MTUS2: variants seen among roughly 807,000 people sequenced by gnomAD.
MTUS2 encodes the protein microtubule associated scaffold protein 2.
Under a neutral mutation model 114.1 loss-of-function variants are expected in MTUS2, and 40 were observed. That is an observed-to-expected ratio of 0.35 (90% CI 0.27 to 0.46). The LOEUF (loss-of-function observed/expected upper bound fraction) is 0.46. Ranked by LOEUF, MTUS2 falls within the 20% of genes least tolerant of loss-of-function variation. MTUS2 has a pLI of 1.00. For synonymous variants in MTUS2, 688 were observed against 672.0 expected (o/e 1.02, Z -0.37); for missense variants, 1,679 against 1,705.4 (o/e 0.98, Z 0.27).
intron 5 of MTUS2, among the ~76,000 whole-genome samples, chr13:29,161,104 G>T (rs1295812919): frequency 6.6e-6 from 1 of 152,190 alleles, no homozygotes. Flanking sequence ...TGATTGTGGT[G>T]GCAGATGCCT....
At chr13:28,851,525 A>T (rs534554330) in intron 2 of MTUS2, among the ~76,000 whole-genome samples, 13 of 152,376 alleles carry the variant, frequency 8.5e-5, no homozygotes, top group Admixed American at 2.6e-4. Context: ...AGATACGAAG[A>T]TATATATGAT....
chr13:29,148,011 T>A (rs1382617270), intron 5 of MTUS2, among the ~76,000 whole-genome samples: 3 of 152,238 alleles, frequency 2.0e-5, no homozygotes, highest in African/African-American at 7.2e-5. Context: ...CTTTGAGAAA[T>A]TTTGAAACTG....
At chr13:29,495,488 C>T (rs553433039) in intron 12 of MTUS2, among the ~76,000 whole-genome samples, 23 of 152,102 alleles carry the variant, frequency 1.5e-4, no homozygotes, top group African/African-American at 4.8e-4. Flanking sequence ...CCCAGCACTT[C>T]GCATGTTAGT....
At chr13:29,425,635 G>T (rs1876459552) in intron 8 of MTUS2, among the ~76,000 whole-genome samples, 1 of 152,118 alleles carries the variant, frequency 6.6e-6, no homozygotes, top group African/African-American at 2.4e-5. Context: ...AAGACCTTTG[G>T]TATTTACCTC....
At chr13:29,489,113 C>T (rs1302009212) in intron 11 of MTUS2, among the ~76,000 whole-genome samples, 11 of 152,030 alleles carry the variant, frequency 7.2e-5, no homozygotes, top group African/African-American at 2.2e-4. Context: ...GGCAAAACCC[C>T]GTCTCTACCA....
intron 4 of MTUS2, among the ~76,000 whole-genome samples, chr13:29,071,307 T>A (rs1888915585): frequency 6.7e-6 from 1 of 150,270 alleles, no homozygotes. Flanking sequence ...GCATCTTGCT[T>A]GTTTTTATAG....
chr13:29,070,620 G>T (rs913962198), intron 4 of MTUS2, among the ~76,000 whole-genome samples: 1 of 151,936 alleles, frequency 6.6e-6, no homozygotes, highest in South Asian at 2.1e-4. Flanking sequence ...GTATATGCTC[G>T]TGAGAATGTG....
chr13:29,336,523 C>T (rs940346274), intron 7 of MTUS2, among the ~76,000 whole-genome samples: 6 of 152,226 alleles, frequency 3.9e-5, no homozygotes, highest in East Asian at 1.9e-4. Context: ...AGCTTTGTCC[C>T]GAAAGGGCAC....
At chr13:29,020,799 C>T (rs1245269675) in intron 2 of MTUS2, among the ~76,000 whole-genome samples, 4 of 150,928 alleles carry the variant, frequency 2.7e-5, no homozygotes, top group African/African-American at 7.3e-5. Context: ...GCTGTGTGAC[C>T]TTGGGAATGT....
At position 29,150,645 on chromosome 13, in the gene MTUS2, T is replaced by C. The variant is rs114675894; in HGVS notation, c.2644+49675T>C. On this transcript the variant is annotated intron_variant, in intron 5 of 15. Transcript: ENST00000612955. Reference sequence around the variant, plus strand: ...GTGTCCAGAAGGGTATTTCCTAGGTTTTCTTCTAAGATTTTTATAGTTTAC... The same window carrying C: ...GTGTCCAGAAGGGTATTTCCTAGGTCTTCTTCTAAGATTTTTATAGTTTAC... Among the ~76,000 whole-genome samples, 852 of 152,288 alleles carry C rather than the reference T, an allele frequency of 5.6e-3. 13 individuals are homozygous for C. The highest frequency in any genetic ancestry group is 0.02 in the African/African-American group (812 of 41,566).
intron 4 of MTUS2, among the ~76,000 whole-genome samples, chr13:29,048,742 T>G (rs1056981183): frequency 3.3e-4 from 50 of 152,194 alleles, no homozygotes; most frequent in African/African-American, 1.2e-3. Context: ...AGTTCTGGGA[T>G]TACAGGCACA....
intron 1 of MTUS2, among the ~76,000 whole-genome samples, chr13:28,834,074 ATAT>A (rs1241848589): frequency 1.3e-5 from 2 of 152,178 alleles, no homozygotes; most frequent in Non-Finnish European, 2.9e-5. Context: ...GGAAGACTTA[ATAT>A]TATTAAGGTG....
Position 29,175,320 on chromosome 13 carries a change from G to C in MTUS2, c.2644+74350G>C, listed in dbSNP as rs548395067. On this transcript the variant is annotated intron_variant, in intron 5 of 15. Coordinates refer to ENST00000612955, the MANE Select transcript of MTUS2 (RefSeq NM_001033602.4). ...ATTTATGGGTCATTATAAAGGAATG[G>C]GATTTCATTCTATTTACTCCCAGGG... Among the ~76,000 whole-genome samples, 98 of 152,230 alleles carry C rather than the reference G, an allele frequency of 6.4e-4. No homozygotes were observed. The Middle Eastern group carries it at 0.014, about 21-fold the overall frequency.
intron 8 of MTUS2, among the ~76,000 whole-genome samples, chr13:29,378,295 AAAAG>A (rs142807355): frequency 0.48 from 72,460 of 150,560 alleles, 19,217 homozygotes; most frequent in East Asian, 0.65. Flanking sequence ...ATAAATTAAA[AAAAG>A]AAAAAAGCGA....
intron 2 of MTUS2, among the ~76,000 whole-genome samples, chr13:28,913,385 C>G (rs1880562394): frequency 6.6e-6 from 1 of 151,968 alleles, no homozygotes; most frequent in Admixed American, 6.6e-5. Flanking sequence ...TAGTTTTTGT[C>G]TTTAGTTCTG....
rs1013040937 is a variant in MTUS2 at position 28,864,627 on chromosome 13, A to C, written c.-243+24777A>C. 2.6e-5 allele frequency among the ~76,000 whole-genome samples: 4 copies of C among 152,220 alleles called. No individual in the cohort carries two copies. The East Asian group carries it at 5.8e-4, about 22-fold the overall frequency. ...AGAAGGTTAAAAAGGTGTGGGCCTG[A>C]GACTGTGCTTGATCAAGAAGTTGTA... is the stretch of plus-strand genomic sequence containing the variant. On this transcript the variant is annotated intron_variant, in intron 2 of 15. Transcript: ENST00000612955.
At chr13:28,896,256 AACAG>A (rs1879258498) in intron 2 of MTUS2, among the ~76,000 whole-genome samples, 1 of 152,202 alleles carries the variant, frequency 6.6e-6, no homozygotes, top group Non-Finnish European at 1.5e-5. Context: ...ATACACCAAT[AACAG>A]ACAAACAGAG....
intron 5 of MTUS2, among the ~76,000 whole-genome samples, chr13:29,228,523 T>G (rs1354268250): frequency 2.6e-5 from 4 of 152,176 alleles, no homozygotes; most frequent in African/African-American, 9.7e-5. Context: ...CCTCACTATG[T>G]TGCCCAGGCT....
intron 7 of MTUS2, among the ~76,000 whole-genome samples, chr13:29,335,869 C>T (rs142618552): frequency 0.011 from 1,697 of 152,246 alleles, 17 homozygotes; most frequent in Middle Eastern, 0.02. Context: ...TATTTCTTGG[C>T]AGCTTTGTTC....
Sources: allele counts gnomAD v4.1 joint callset (sites outside exome capture counted in the v4.1 genomes callset), GRCh38; gene constraint gnomAD v4.1.1; transcripts MANE v1.5; gene names NCBI Gene and HGNC (gene_info 2026-07-23, HGNC 2026-07-21).